CNOT2: variants seen among roughly 807,000 people sequenced by gnomAD.
CNOT2 encodes the protein CCR4-NOT transcription complex subunit 2.
In CNOT2, 7 loss-of-function variants were observed where a neutral mutation model predicts 72.1. The ratio of observed to expected loss-of-function variants is 0.10; its 90% CI spans 0.06 to 0.18. The LOEUF (loss-of-function observed/expected upper bound fraction) is 0.18. Ranked by LOEUF, CNOT2 falls within the 10% of genes least tolerant of loss-of-function variation. The probability of loss-of-function intolerance (pLI) is 1.00; values close to 1 mark genes in which losing one functional copy is unlikely to be tolerated. For missense variants in CNOT2, 345 were observed against 660.3 expected, an observed-to-expected ratio of 0.52 and a Z score of 5.23; for synonymous variants, 196 against 225.6, an observed-to-expected ratio of 0.87 and a Z score of 1.17.
chr12:70,265,325 CTTTCTTTCTTT>C (rs1438415988), intron 1 of CNOT2, among the ~76,000 whole-genome samples: 7 of 148,522 alleles, frequency 4.7e-5, no homozygotes, highest in South Asian at 2.1e-4. Context: ...CTTCTCTTCT[CTTTCTTTCTTT>C]TTTCTTTCTT....
chr12:70,268,567 C>T (rs569758052), intron 1 of CNOT2, among the ~76,000 whole-genome samples: 15 of 152,250 alleles, frequency 9.9e-5, no homozygotes, highest in African/African-American at 3.1e-4. Context: ...CCACCTTAGC[C>T]TCCCAAGTAG....
chr12:70,344,066 A>G (rs1396046454), intron 13 of CNOT2, 62 bp from the exon 14 acceptor site: 2 of 1,115,588 alleles, frequency 1.8e-6, no homozygotes, highest in South Asian at 1.5e-5. Context: ...AGTAGTAGCA[A>G]CTATATATTA....
intron 1 of CNOT2, among the ~76,000 whole-genome samples, chr12:70,274,117 T>C (rs1312088498): frequency 1.3e-5 from 2 of 152,132 alleles, no homozygotes; most frequent in Non-Finnish European, 2.9e-5. Flanking sequence ...TCTTGAGTTT[T>C]ATTTATTTTT....
chr12:70,287,628 T>C lies in CNOT2; in HGVS notation c.48+9354T>C, dbSNP rs898178263. ...TCCATTAGATCAAGTGTTAATCTTA[T>C]TATGTACATCTTATGTATCCATATA... On this transcript the variant is annotated intron_variant, in intron 2 of 15. Transcript: ENST00000229195. Among the ~76,000 whole-genome samples the C allele has an allele frequency of 2.1e-4, 32 of 150,134 alleles. 3 individuals are homozygous for C. Among genetic ancestry groups the C allele is most frequent in the Non-Finnish European group, 1.2e-4 (8 of 67,638 alleles).
chr12:70,281,084 CTTTTT>C (rs200263074), intron 2 of CNOT2, among the ~76,000 whole-genome samples: 1 of 141,058 alleles, frequency 7.1e-6, no homozygotes, highest in Admixed American at 7.1e-5. Flanking sequence ...ATGGCTTTCC[CTTTTT>C]TTTTTTTTTT....
intron 3 of CNOT2, among the ~76,000 whole-genome samples, chr12:70,317,408 T>A: frequency 6.6e-6 from 1 of 152,014 alleles, no homozygotes; most frequent in East Asian, 1.9e-4. Context: ...GAAATGAACT[T>A]TTAATATACC....
intron 11 of CNOT2, among the ~76,000 whole-genome samples, chr12:70,339,569 G>A (rs1221929946): frequency 6.6e-6 from 1 of 152,078 alleles, no homozygotes; most frequent in Non-Finnish European, 1.5e-5. Context: ...GTGCTACTGA[G>A]CTCTGCTAGA....
chr12:70,319,253 C>T, intron 3 of CNOT2, 45 bp from the exon 4 acceptor site: 1 of 1,538,310 alleles, frequency 6.5e-7, no homozygotes, highest in Non-Finnish European at 9.0e-7. Context: ...ATGCAATGCT[C>T]TGCTCTGTTT....
chr12:70,319,437 C>A, intron 4 of CNOT2, 73 bp downstream of exon 4: 2 of 1,383,072 alleles, frequency 1.4e-6, no homozygotes, highest in Non-Finnish European at 2.0e-6. Flanking sequence ...TAAAGAACAA[C>A]CAGTACTTCC....
intron 1 of CNOT2, among the ~76,000 whole-genome samples, chr12:70,268,409 G>GGT (rs1959149992): frequency 2.6e-5 from 4 of 152,082 alleles, no homozygotes; most frequent in Middle Eastern, 6.8e-3. Context: ...GTGCCTATGT[G>GGT]GTGGTTTTTC....
At chr12:70,325,152 G>A (rs1384498201) in intron 4 of CNOT2, among the ~76,000 whole-genome samples, 1 of 151,658 alleles carries the variant, frequency 6.6e-6, no homozygotes, top group South Asian at 2.1e-4. Flanking sequence ...GAGTAGTAAA[G>A]GACAGATTTG....
intron 2 of CNOT2, among the ~76,000 whole-genome samples, chr12:70,286,455 C>T (rs1210981683): frequency 6.7e-6 from 1 of 149,844 alleles, no homozygotes; most frequent in East Asian, 2.0e-4. Flanking sequence ...AGTACAGTTT[C>T]CTTTCCCCTG....
chr12:70,303,252 T>C (rs956913024), intron 2 of CNOT2, among the ~76,000 whole-genome samples: 7 of 152,200 alleles, frequency 4.6e-5, no homozygotes, highest in African/African-American at 1.7e-4. Flanking sequence ...AATTTGATCC[T>C]GTCATTATGA....
chr12:70,350,651 A>G (rs1009262772), intron 15 of CNOT2, among the ~76,000 whole-genome samples: 1 of 152,240 alleles, frequency 6.6e-6, no homozygotes, highest in Non-Finnish European at 1.5e-5. Context: ...TGCACAAAAT[A>G]TTAGTAACAT....
rs753634148 is a variant in CNOT2, at chr12:70,337,435, A to G, written c.822A>G (p.Ser274=). The change falls in exon 9 of 16, where the codon TCA becomes TCG. Residue 274 remains serine (S), a synonymous_variant. Coordinates refer to ENST00000229195, the MANE Select transcript of CNOT2 (RefSeq NM_014515.7). ...KPANEQSQDF[S]IHNEDFPALP... ...CAAATGAACAATCCCAGGACTTCTC[A>G]ATACACAATGAAGATTTTCCAGCAT... The G allele has an allele frequency of 9.9e-6, 16 of 1,609,566 alleles. No individual in the cohort carries two copies. Among genetic ancestry groups the G allele is most frequent in the Middle Eastern group, 1.6e-4 (1 of 6,062 alleles).
intron 1 of CNOT2, among the ~76,000 whole-genome samples, chr12:70,260,044 T>C (rs1371487361): frequency 1.3e-5 from 2 of 152,192 alleles, no homozygotes; most frequent in East Asian, 3.9e-4. Flanking sequence ...CTTATGCCAG[T>C]ATCCCTTGAT....
intron 2 of CNOT2, among the ~76,000 whole-genome samples, chr12:70,281,609 CT>C (rs922999018): frequency 6.6e-6 from 1 of 152,194 alleles, no homozygotes; most frequent in African/African-American, 2.4e-5. Context: ...AATGCCTCAC[CT>C]TTGTTCACAT....
At chr12:70,293,589 A>C (rs1432006121) in intron 2 of CNOT2, among the ~76,000 whole-genome samples, 3 of 152,106 alleles carry the variant, frequency 2.0e-5, no homozygotes, top group African/African-American at 7.2e-5. Flanking sequence ...ATTTGTTTTT[A>C]TCAGCATGGA....
chr12:70,296,373 G>A (rs1169812745), intron 2 of CNOT2, among the ~76,000 whole-genome samples: 1 of 152,062 alleles, frequency 6.6e-6, no homozygotes, highest in African/African-American at 2.4e-5. Context: ...TTGTGTGTGT[G>A]TGTATCTACA....
Sources: gnomAD v4.1 joint callset for allele counts (sites outside exome capture counted in the v4.1 genomes callset) on GRCh38, gnomAD v4.1.1 for gene constraint, MANE v1.5 for transcripts, NCBI Gene and HGNC (gene_info 2026-07-23, HGNC 2026-07-21) for gene names.